Variants in ZDHHC14 observed in about 807,000 individuals in gnomAD.
ZDHHC14 encodes the protein palmitoyltransferase ZDHHC14.
In ZDHHC14, 16 loss-of-function variants were observed where a neutral mutation model predicts 47.7. The observed-to-expected ratio is 0.34, with a 90% CI of 0.23 to 0.51. The LOEUF (loss-of-function observed/expected upper bound fraction) is 0.51. Among genes scored for constraint, ZDHHC14 ranks in the 20% least tolerant of loss-of-function variants. ZDHHC14 has a pLI of 0.97. For missense variants in ZDHHC14, 515 were observed against 662.5 expected (o/e 0.78, Z 2.44); for synonymous variants, 293 against 278.9 (o/e 1.05, Z -0.50).
At chr6:157,500,918 T>C (rs904644670) in intron 1 of ZDHHC14, among the ~76,000 whole-genome samples, 8 of 152,214 alleles carry the variant, frequency 5.3e-5, no homozygotes, top group African/African-American at 1.9e-4. Flanking sequence ...CGATGTTCCT[T>C]AGTTGGAAAA....
intron 2 of ZDHHC14, among the ~76,000 whole-genome samples, chr6:157,556,271 AG>A (rs1383531235): frequency 2.1e-5 from 2 of 93,378 alleles, no homozygotes; most frequent in Non-Finnish European, 4.4e-5. Flanking sequence ...GAGGGTGGGA[AG>A]GGGGGATGGC....
chr6:157,550,237 C>G (rs577872953), intron 2 of ZDHHC14, among the ~76,000 whole-genome samples: 1 of 152,020 alleles, frequency 6.6e-6, no homozygotes, highest in Non-Finnish European at 1.5e-5. Flanking sequence ...TTCTAGCTAG[C>G]GACCGCAGCA....
intron 7 of ZDHHC14, among the ~76,000 whole-genome samples, chr6:157,652,463 G>A (rs373528310): frequency 1.3e-5 from 2 of 152,268 alleles, no homozygotes; most frequent in East Asian, 3.9e-4. Context: ...CTGCTCCAGG[G>A]ATACTCACTT....
intron 3 of ZDHHC14, among the ~76,000 whole-genome samples, chr6:157,596,836 T>C (rs956718621): frequency 3.3e-5 from 5 of 152,324 alleles, no homozygotes; most frequent in South Asian, 2.1e-4. Context: ...TGGCCATTGA[T>C]GGTCTCATCA....
chr6:157,516,866 C>A (rs898141277), intron 1 of ZDHHC14, among the ~76,000 whole-genome samples: 2 of 152,194 alleles, frequency 1.3e-5, no homozygotes, highest in African/African-American at 4.8e-5. Flanking sequence ...CCAGATGAAA[C>A]CTGTTCCCAT....
chr6:157,480,817 G>A (rs868410368), intron 1 of ZDHHC14, among the ~76,000 whole-genome samples: 7 of 147,742 alleles, frequency 4.7e-5, no homozygotes, highest in Non-Finnish European at 6.2e-5. Flanking sequence ...ATGTTTGAAC[G>A]GGCATCCTCA....
chr6:157,535,032 A>G (rs1781494710), intron 1 of ZDHHC14, among the ~76,000 whole-genome samples: 1 of 152,208 alleles, frequency 6.6e-6, no homozygotes, highest in Non-Finnish European at 1.5e-5. Context: ...TTATAAAGCT[A>G]CAGATTCCCA....
In ZDHHC14 at chr6:157,494,238, G is replaced by A. The variant is rs529796281; in HGVS notation, c.246-48347G>A. 2.0e-5 allele frequency among the ~76,000 whole-genome samples: 3 copies of A among 152,338 alleles called. No homozygotes were observed. The South Asian group carries it at 6.2e-4, about 32-fold the overall frequency. ...GCCCCTGGGATGTCACTAACATGCAGTTGACTGTGAAGTGCTGGGCCCTCC... is the reference window on the plus strand; with the variant it reads ...GCCCCTGGGATGTCACTAACATGCAATTGACTGTGAAGTGCTGGGCCCTCC... On this transcript the variant is annotated intron_variant, in intron 1 of 8. Transcript: ENST00000359775.
intron 1 of ZDHHC14, among the ~76,000 whole-genome samples, chr6:157,432,837 T>C (rs1237535170): frequency 1.3e-5 from 2 of 152,266 alleles, no homozygotes; most frequent in Non-Finnish European, 2.9e-5. Context: ...CAGCTTTTCA[T>C]GCTTCTGGAA....
intron 1 of ZDHHC14, among the ~76,000 whole-genome samples, chr6:157,404,105 A>G (rs1777697653): frequency 6.6e-6 from 1 of 152,248 alleles, no homozygotes. Context: ...ATTGTACAAA[A>G]ATAGAATACG....
chr6:157,479,804 C>G (rs1455041669), intron 1 of ZDHHC14, among the ~76,000 whole-genome samples: 1 of 152,202 alleles, frequency 6.6e-6, no homozygotes, highest in Non-Finnish European at 1.5e-5. Flanking sequence ...TTCCCTGGTC[C>G]CCTCCTGGCC....
At chr6:157,604,257 A>G (rs1784444235) in intron 3 of ZDHHC14, among the ~76,000 whole-genome samples, 1 of 149,976 alleles carries the variant, frequency 6.7e-6, no homozygotes, top group Non-Finnish European at 1.5e-5. Context: ...TCTGCGCTCC[A>G]GCCTGGGTGA....
In ZDHHC14 at chr6:157,677,252, A is replaced by C. The variant is rs965131159; in HGVS notation, c.*4130A>C. 8 of 151,694 alleles carry C rather than the reference A, an allele frequency of 5.3e-5. No individual in the cohort carries two copies. Among genetic ancestry groups the C allele is most frequent in the East Asian group, 1.9e-4 (1 of 5,200 alleles). The allele number at this position is 151,694 out of a possible 1,614,324, so 9.4% of individuals were successfully genotyped here. ...AAGGTACCTCATTTAAAAAAAAAAA[A>C]AAAAAAAAACTGCCTCTCATTTGTT... is the stretch of plus-strand genomic sequence containing the variant. On this transcript the variant is annotated 3_prime_UTR_variant, in exon 9 of 9. Coordinates refer to ENST00000359775, the MANE Select transcript of ZDHHC14 (RefSeq NM_024630.3).
chr6:157,484,828 T>A (rs565967103), intron 1 of ZDHHC14, among the ~76,000 whole-genome samples: 1 of 152,252 alleles, frequency 6.6e-6, no homozygotes, highest in East Asian at 1.9e-4. Context: ...GAAAACTGCC[T>A]ACTAAATTAC....
chr6:157,596,519 C>G (rs1273347033), intron 3 of ZDHHC14, among the ~76,000 whole-genome samples: 1 of 152,094 alleles, frequency 6.6e-6, no homozygotes, highest in Non-Finnish European at 1.5e-5. Flanking sequence ...TCATAGGGGC[C>G]TTTTTAGTTG....
chr6:157,661,590 G>A (rs1295397051), intron 8 of ZDHHC14, among the ~76,000 whole-genome samples: 2 of 152,218 alleles, frequency 1.3e-5, no homozygotes, highest in African/African-American at 4.8e-5. Flanking sequence ...GGGAGTGGCA[G>A]AGAACAGCTG....
Position 157,661,641 on chromosome 6 carries a change from C to T in ZDHHC14, c.1068+8014C>T, listed in dbSNP as rs539270438. On this transcript the variant is annotated intron_variant, in intron 8 of 8. Transcript: ENST00000359775. ...TGGGCTGCCTCTGACCTTTGCTGGC[C>T]CTGACACTTTGGGGCTGGGTGATCT... is the stretch of plus-strand genomic sequence containing the variant. 1.1e-3 allele frequency among the ~76,000 whole-genome samples: 167 copies of T among 152,256 alleles called. 1 individual carries two copies. Among genetic ancestry groups the T allele is most frequent in the Non-Finnish European group, 1.9e-3 (128 of 68,018 alleles).
At chr6:157,638,603 AC>A (rs1777094199) in intron 5 of ZDHHC14, among the ~76,000 whole-genome samples, 1 of 152,220 alleles carries the variant, frequency 6.6e-6, no homozygotes, top group African/African-American at 2.4e-5. Context: ...CTCAACAGCC[AC>A]CATGGGCAAA....
intron 1 of ZDHHC14, among the ~76,000 whole-genome samples, chr6:157,503,993 T>A (rs573887729): frequency 2.4e-4 from 36 of 152,176 alleles, no homozygotes; most frequent in Non-Finnish European, 5.1e-4. Context: ...TAGAAACATA[T>A]TTGCAATTTC....
Sources: allele counts gnomAD v4.1 joint callset (sites outside exome capture counted in the v4.1 genomes callset), GRCh38; gene constraint gnomAD v4.1.1; transcripts MANE v1.5; gene names NCBI Gene and HGNC (gene_info 2026-07-23, HGNC 2026-07-21).